ATP2B4: variants seen among roughly 807,000 people sequenced by gnomAD.
ATP2B4 encodes the protein ATPase plasma membrane Ca2+ transporting 4.
ATP2B4 carries 39 observed loss-of-function variants against 110.3 expected under a neutral mutation model. The observed-to-expected ratio is 0.35, with a 90% CI of 0.27 to 0.46. ATP2B4 has a LOEUF of 0.46. Ranked by LOEUF, ATP2B4 falls within the 20% of genes least tolerant of loss-of-function variation. ATP2B4 has a pLI of 1.00. For missense variants in ATP2B4, 1,135 were observed against 1,530.9 expected (o/e 0.74, Z 4.32); for synonymous variants, 538 against 571.7 (o/e 0.94, Z 0.84).
intron 1 of ATP2B4, among the ~76,000 whole-genome samples, chr1:203,646,400 T>C (rs1460600197): frequency 6.6e-6 from 1 of 152,002 alleles, no homozygotes; most frequent in African/African-American, 2.4e-5. Flanking sequence ...ATTGCTTGAG[T>C]CCAGGAGTTT....
intron 1 of ATP2B4, among the ~76,000 whole-genome samples, chr1:203,668,349 A>T (rs1664568747): frequency 6.6e-6 from 1 of 152,012 alleles, no homozygotes; most frequent in Admixed American, 6.6e-5. Context: ...TCCCCTATTT[A>T]TGCTAGATTG....
chr1:203,720,916 A>C (rs1157565422), intron 16 of ATP2B4, among the ~76,000 whole-genome samples, 176 bp downstream of exon 16: 1 of 152,208 alleles, frequency 6.6e-6, no homozygotes, highest in Non-Finnish European at 1.5e-5. Flanking sequence ...ATGGTAACTT[A>C]CAGGCCTTAG....
At chr1:203,706,919 C>G (rs1419020258) in intron 8 of ATP2B4, 90 bp from the exon 9 acceptor site, 1 of 1,118,768 alleles carries the variant, frequency 8.9e-7, no homozygotes, top group Non-Finnish European at 1.3e-6. Flanking sequence ...TAATTGGCAA[C>G]AAAGGCTACA....
chr1:203,718,337 C>G (rs553668908), intron 15 of ATP2B4, among the ~76,000 whole-genome samples: 1 of 151,838 alleles, frequency 6.6e-6, no homozygotes, highest in Admixed American at 6.6e-5. Context: ...CTCACTCTGT[C>G]GCCCAGGCTG....
chr1:203,630,369 C>CT (rs869129746), intron 1 of ATP2B4, among the ~76,000 whole-genome samples: 710 of 14,986 alleles, frequency 0.047, 14 homozygotes, highest in African/African-American at 0.073. Flanking sequence ...CTCTCTCTCT[C>CT]TTTTTTTTTT....
In ATP2B4 at chr1:203,698,165, G is replaced by T; in HGVS notation, c.202G>T (p.Gly68Trp). Residue 68 changes from glycine to tryptophan, a missense_variant, in exon 3 of 21, where the codon GGG becomes TGG. By Grantham distance (184) the Gly-to-Trp change is radical (BLOSUM62 -2). Coordinates refer to ENST00000357681, the MANE Select transcript of ATP2B4 (RefSeq NM_001684.5). ...TCCTATCTCCTTTTCAGGTCTGTCT[G>T]GGAACCCTGCAGATCTGGAGAAACG... is the stretch of plus-strand genomic sequence containing the variant. ...LKTSPVEGLSGNPADLEKRRQ... is the reference protein window; with the variant it reads ...LKTSPVEGLSWNPADLEKRRQ... 1 of 1,613,962 alleles carries T rather than the reference G, an allele frequency of 6.2e-7. No homozygotes were observed. The highest frequency in any genetic ancestry group is 2.2e-5 in the East Asian group (1 of 44,874).
Position 203,741,883 on chromosome 1 carries a change from T to G in ATP2B4, c.*2029T>G, listed in dbSNP as rs1667003826. On this transcript the variant is annotated 3_prime_UTR_variant, in exon 21 of 21. Transcript: ENST00000357681. Reference sequence around the variant, plus strand: ...ATATTCATCAACTATTTTAGAAGATTTAATTCTATCAAATCTTGTATTACC... The same window carrying G: ...ATATTCATCAACTATTTTAGAAGATGTAATTCTATCAAATCTTGTATTACC... The G allele has an allele frequency of 6.5e-6, 1 of 152,674 alleles. No individual in the cohort carries two copies. Among genetic ancestry groups the G allele is most frequent in the Non-Finnish European group, 1.5e-5 (1 of 68,046 alleles). The allele number at this position is 152,674 out of a possible 1,614,324, so 9.5% of individuals were successfully genotyped here.
chr1:203,696,665 AAAGGACCCAAATAT>A (rs1320013889), intron 2 of ATP2B4, among the ~76,000 whole-genome samples: 1 of 152,214 alleles, frequency 6.6e-6, no homozygotes, highest in Non-Finnish European at 1.5e-5. Flanking sequence ...GGGACCCATG[AAAGGACCCAAATAT>A]AAGGAAAGCA....
chr1:203,628,739 C>T (rs1056395545), intron 1 of ATP2B4, among the ~76,000 whole-genome samples: 1 of 152,172 alleles, frequency 6.6e-6, no homozygotes, highest in African/African-American at 2.4e-5. Context: ...GGAGACCAGG[C>T]TCATTCCAGG....
intron 1 of ATP2B4, among the ~76,000 whole-genome samples, chr1:203,642,990 A>T (rs1373169471): frequency 2.0e-5 from 3 of 152,172 alleles, no homozygotes; most frequent in Non-Finnish European, 4.4e-5. Flanking sequence ...GCCTGGCACC[A>T]GCCTGCCCAC....
At chr1:203,668,607 T>C (rs1043132182) in intron 1 of ATP2B4, among the ~76,000 whole-genome samples, 4 of 152,188 alleles carry the variant, frequency 2.6e-5, no homozygotes, top group Non-Finnish European at 5.9e-5. Context: ...GAATGCAGAT[T>C]GGCTCATGGA....
At chr1:203,696,890 G>A (rs554485222) in intron 2 of ATP2B4, among the ~76,000 whole-genome samples, 1 of 152,256 alleles carries the variant, frequency 6.6e-6, no homozygotes, top group South Asian at 2.1e-4. Flanking sequence ...GTGGTTTGTG[G>A]TGTGTATGTG....
At position 203,728,596 on chromosome 1, in the gene ATP2B4, G is replaced by A. The variant is rs546593236; in HGVS notation, c.3309+1025G>A. On this transcript the variant is annotated intron_variant, in intron 20 of 20. Transcript: ENST00000357681. ...CAGTCGGCCAGGCATGGTGGCTCACGCCTGTAATCCCAGCACTTTGGGAGG... is the reference window on the plus strand; with the variant it reads ...CAGTCGGCCAGGCATGGTGGCTCACACCTGTAATCCCAGCACTTTGGGAGG... 2.4e-3 allele frequency among the ~76,000 whole-genome samples: 365 copies of A among 152,280 alleles called. 2 individuals are homozygous for A. The highest frequency in any genetic ancestry group is 6.2e-3 in the South Asian group (30 of 4,828).
rs1427917196 is a variant in ATP2B4, at chr1:203,655,363, A to G, written c.-464-27379A>G. 2.6e-5 allele frequency among the ~76,000 whole-genome samples: 4 copies of G among 151,652 alleles called. No individual in the cohort carries two copies. The East Asian group carries it at 7.8e-4, about 29-fold the overall frequency. ...CCTTCATGGGGATGTAAAAAAAAAG[A>G]GGCCAGGCACGGTGGCTCACGTCTG... On this transcript the variant is annotated intron_variant, in intron 1 of 20. Coordinates refer to ENST00000357681, the MANE Select transcript of ATP2B4 (RefSeq NM_001684.5).
intron 1 of ATP2B4, among the ~76,000 whole-genome samples, chr1:203,679,064 C>T (rs950141091): frequency 2.6e-5 from 4 of 152,202 alleles, no homozygotes; most frequent in African/African-American, 9.6e-5. Flanking sequence ...ATCCTATCAT[C>T]TCTTAGGCTT....
intron 1 of ATP2B4, among the ~76,000 whole-genome samples, chr1:203,648,642 G>A (rs1319639820): frequency 1.3e-5 from 2 of 152,228 alleles, no homozygotes; most frequent in African/African-American, 4.8e-5. Flanking sequence ...AGGACATGGA[G>A]TCTTGGGTTC....
chr1:203,681,857 C>T (rs549414823), intron 1 of ATP2B4, among the ~76,000 whole-genome samples: 1 of 151,998 alleles, frequency 6.6e-6, no homozygotes, highest in Non-Finnish European at 1.5e-5. Flanking sequence ...TTACCGCTCC[C>T]ACTCCAGAGA....
chr1:203,741,479 G>C lies in ATP2B4; in HGVS notation c.*1625G>C, dbSNP rs1203800806. The C allele has an allele frequency of 6.6e-6, 1 of 152,436 alleles. No individual in the cohort carries two copies. Among genetic ancestry groups the C allele is most frequent in the East Asian group, 1.9e-4 (1 of 5,196 alleles). The allele number at this position is 152,436 out of a possible 1,614,324, so 9.4% of individuals were successfully genotyped here. On this transcript the variant is annotated 3_prime_UTR_variant, in exon 21 of 21. Coordinates refer to ENST00000357681, the MANE Select transcript of ATP2B4 (RefSeq NM_001684.5). ...CTGCTGGTGTTGACTTCTGTGTAGG[G>C]GCCAGTTCATGTCCCTGACTCTCAC...
intron 2 of ATP2B4, among the ~76,000 whole-genome samples, chr1:203,683,840 G>A (rs1665095739): frequency 6.6e-6 from 1 of 151,492 alleles, no homozygotes. Context: ...CACCCAGCTA[G>A]CTTTTTAGAT....
Sources: gnomAD v4.1 joint callset for allele counts (sites outside exome capture counted in the v4.1 genomes callset) on GRCh38, gnomAD v4.1.1 for gene constraint, MANE v1.5 for transcripts, NCBI Gene and HGNC (gene_info 2026-07-23, HGNC 2026-07-21) for gene names.